Variants in TMEM108 observed in about 807,000 individuals in gnomAD.
TMEM108 encodes transmembrane protein 108, also known as cancer/testis antigen 124.
A neutral mutation model predicts 35.1 loss-of-function variants in TMEM108; 12 were observed. That is an observed-to-expected ratio of 0.34 (90% CI 0.22 to 0.55). The LOEUF is 0.55. Ranked by LOEUF, TMEM108 falls within the 20% of genes least tolerant of loss-of-function variation. TMEM108 has a pLI of 0.89. For missense variants in TMEM108, 680 were observed against 753.3 expected, an observed-to-expected ratio of 0.90 and a Z score of 1.14; for synonymous variants, 287 against 308.6, an observed-to-expected ratio of 0.93 and a Z score of 0.73.
intron 3 of TMEM108, among the ~76,000 whole-genome samples, chr3:133,315,208 T>C (rs947720377): frequency 1.3e-5 from 2 of 152,240 alleles, no homozygotes; most frequent in African/African-American, 4.8e-5. Context: ...TGGATTAATA[T>C]CCTGTTTTTA....
chr3:133,215,571 T>G (rs1460542321), intron 2 of TMEM108, among the ~76,000 whole-genome samples: 1 of 152,134 alleles, frequency 6.6e-6, no homozygotes, highest in African/African-American at 2.4e-5. Flanking sequence ...TACAAAGAAA[T>G]TTTAGGGATA....
At position 133,179,611 on chromosome 3, in the gene TMEM108, A is replaced by G. The variant is rs932998284; in HGVS notation, c.-46-49655A>G. Among the ~76,000 whole-genome samples, 30 of 151,980 alleles carry G rather than the reference A, an allele frequency of 2.0e-4. No homozygotes were observed. In the South Asian group the frequency reaches 5.4e-3, roughly 28 times the overall value. ...CATAGGTGGGAATTGAACAATGAGA[A>G]CACATGGACACAGGAAGGGGAACAT... On this transcript the variant is annotated intron_variant, in intron 2 of 5. Coordinates refer to ENST00000321871, the MANE Select transcript of TMEM108 (RefSeq NM_023943.4).
chr3:133,258,526 C>T (rs1229705143), intron 3 of TMEM108, among the ~76,000 whole-genome samples: 1 of 152,180 alleles, frequency 6.6e-6, no homozygotes, highest in Non-Finnish European at 1.5e-5. Flanking sequence ...GTGTTTGTGT[C>T]TCACATCCTT....
chr3:133,151,931 T>C (rs1253508372), intron 2 of TMEM108, among the ~76,000 whole-genome samples: 1 of 152,132 alleles, frequency 6.6e-6, no homozygotes, highest in Non-Finnish European at 1.5e-5. Context: ...AGTAAGAGAA[T>C]GGAGAGTTGA....
At chr3:133,161,417 C>T (rs552914687) in intron 2 of TMEM108, among the ~76,000 whole-genome samples, 66 of 152,262 alleles carry the variant, frequency 4.3e-4, no homozygotes, top group Non-Finnish European at 8.7e-4. Flanking sequence ...AAAATAAGCT[C>T]CATGAGGCGG....
intron 2 of TMEM108, among the ~76,000 whole-genome samples, chr3:133,076,764 T>TG (rs1408324121): frequency 6.6e-6 from 1 of 152,248 alleles, no homozygotes; most frequent in Non-Finnish European, 1.5e-5. Flanking sequence ...AGGAAGGCTT[T>TG]GGCAATGGGC....
intron 3 of TMEM108, among the ~76,000 whole-genome samples, chr3:133,294,192 T>A (rs1947111616): frequency 6.6e-6 from 1 of 152,166 alleles, no homozygotes; most frequent in Admixed American, 6.5e-5. Context: ...AGAAAATAAG[T>A]GATAGTGTTA....
chr3:133,043,846 A>G (rs1037147819), intron 1 of TMEM108, among the ~76,000 whole-genome samples: 2 of 152,156 alleles, frequency 1.3e-5, no homozygotes, highest in African/African-American at 4.8e-5. Context: ...TCCTTGGCTA[A>G]TTATTTTCCT....
At chr3:133,173,061 A>C (rs1945154110) in intron 2 of TMEM108, among the ~76,000 whole-genome samples, 1 of 152,188 alleles carries the variant, frequency 6.6e-6, no homozygotes, top group South Asian at 2.1e-4. Flanking sequence ...AGTCTCGGGT[A>C]TGTCTTTATC....
chr3:133,222,756 C>G (rs1436118154), intron 2 of TMEM108, among the ~76,000 whole-genome samples: 1 of 151,918 alleles, frequency 6.6e-6, no homozygotes, highest in Non-Finnish European at 1.5e-5. Context: ...ATTTCAATTT[C>G]TATTAAATTT....
chr3:133,210,748 A>C (rs531433911), intron 2 of TMEM108, among the ~76,000 whole-genome samples: 2 of 152,230 alleles, frequency 1.3e-5, no homozygotes, highest in Non-Finnish European at 2.9e-5. Flanking sequence ...GCACAAGTCC[A>C]AACAGTGAAC....
intron 3 of TMEM108, among the ~76,000 whole-genome samples, chr3:133,319,141 G>A (rs1351899551): frequency 6.6e-6 from 1 of 152,014 alleles, no homozygotes; most frequent in Admixed American, 6.6e-5. Flanking sequence ...AACCCCGTTG[G>A]CCCAAGAACC....
chr3:133,383,935 T>C (rs2073079452), intron 4 of TMEM108, among the ~76,000 whole-genome samples: 1 of 152,166 alleles, frequency 6.6e-6, no homozygotes. Context: ...ATGTCCTCAG[T>C]CATGGCCCCA....
At chr3:133,307,242 G>A (rs1427060506) in intron 3 of TMEM108, among the ~76,000 whole-genome samples, 6 of 152,076 alleles carry the variant, frequency 3.9e-5, no homozygotes, top group Non-Finnish European at 8.8e-5. Context: ...TTGTAAATTT[G>A]TTTAAGTTCT....
At chr3:133,289,443 ATCAG>A (rs1947031410) in intron 3 of TMEM108, among the ~76,000 whole-genome samples, 1 of 152,202 alleles carries the variant, frequency 6.6e-6, no homozygotes, top group South Asian at 2.1e-4. Flanking sequence ...AGTACTCGAC[ATCAG>A]TCAGACACCA....
At chr3:133,276,990 T>C (rs1206563536) in intron 3 of TMEM108, among the ~76,000 whole-genome samples, 2 of 152,158 alleles carry the variant, frequency 1.3e-5, no homozygotes, top group African/African-American at 4.8e-5. Context: ...CCTCAAACTT[T>C]AGTGCCACCC....
intron 3 of TMEM108, among the ~76,000 whole-genome samples, chr3:133,255,610 G>A (rs1179414710): frequency 6.6e-6 from 1 of 152,148 alleles, no homozygotes; most frequent in Non-Finnish European, 1.5e-5. Flanking sequence ...TGGGGGAGAC[G>A]TATTTGAAAA....
At chr3:133,230,949 T>C (rs932176041) in intron 3 of TMEM108, among the ~76,000 whole-genome samples, 1 of 152,196 alleles carries the variant, frequency 6.6e-6, no homozygotes, top group African/African-American at 2.4e-5. Context: ...TTTGCAAAGC[T>C]TGCTGGGAAA....
chr3:133,073,099 TATGA>T (rs1252183666), intron 2 of TMEM108, among the ~76,000 whole-genome samples: 1 of 152,182 alleles, frequency 6.6e-6, no homozygotes, highest in Non-Finnish European at 1.5e-5. Flanking sequence ...CTAATTAAAA[TATGA>T]ATTATCTCAC....
Sources: gnomAD v4.1 joint callset for allele counts (sites outside exome capture counted in the v4.1 genomes callset) on GRCh38, gnomAD v4.1.1 for gene constraint, MANE v1.5 for transcripts, NCBI Gene and HGNC (gene_info 2026-07-23, HGNC 2026-07-21) for gene names.